Variants in KLHL14 observed in about 807,000 individuals in gnomAD.
The protein encoded by KLHL14 is kelch like family member 14, also known as kelch-like protein 14.
Under a neutral mutation model 64.3 loss-of-function variants are expected in KLHL14, and 22 were observed. The ratio of observed to expected loss-of-function variants is 0.34; its 90% CI spans 0.24 to 0.49. The LOEUF (loss-of-function observed/expected upper bound fraction) is 0.49, where lower values mean the gene tolerates loss of function less well. KLHL14 is among the 20% of genes least tolerant of loss of function. The pLI is 0.99. For synonymous variants in KLHL14, 322 were observed against 333.4 expected, an observed-to-expected ratio of 0.97 and a Z score of 0.37; for missense variants, 661 against 789.0, an observed-to-expected ratio of 0.84 and a Z score of 1.94.
intron 4 of KLHL14, among the ~76,000 whole-genome samples, chr18:32,693,419 G>C (rs1021333806): frequency 0.06 from 5,626 of 93,006 alleles, 108 homozygotes; most frequent in Non-Finnish European, 0.078. Flanking sequence ...CACACAGAGA[G>C]AGAGAGAGAG....
intron 3 of KLHL14, among the ~76,000 whole-genome samples, chr18:32,698,414 G>A (rs756433141): frequency 2.0e-5 from 3 of 152,154 alleles, no homozygotes; most frequent in Non-Finnish European, 4.4e-5. Flanking sequence ...ATTAAAGGCT[G>A]TCTAATTTTA....
chr18:32,687,245 C>T lies in KLHL14; in HGVS notation c.1160-12G>A. Reference sequence around the variant, plus strand: ...TGTACTGTGTTTTCCTGTAAAAATGCATTCGAGACATTTAAAACTTAGATT... The same window carrying T: ...TGTACTGTGTTTTCCTGTAAAAATGTATTCGAGACATTTAAAACTTAGATT... On this transcript the variant is annotated splice_polypyrimidine_tract_variant and intron_variant, in intron 4 of 8. Transcript: ENST00000359358. 6.3e-7 allele frequency: 1 copy of T among 1,595,610 alleles called. No individual in the cohort carries two copies. Among genetic ancestry groups the T allele is most frequent in the South Asian group, 1.1e-5 (1 of 90,712 alleles).
rs369189703 is a variant in KLHL14, at chr18:32,687,310, G to A, written c.1160-77C>T. 136 of 1,126,694 alleles carry A rather than the reference G, an allele frequency of 1.2e-4. No individual in the cohort carries two copies. The African/African-American group carries it at 1.5e-3, about 12-fold the overall frequency. The allele number at this position is 1,126,694 out of a possible 1,614,324, so 69.8% of individuals were successfully genotyped here. A position where few individuals can be genotyped will look rare whatever the true frequency, so the allele number is the denominator to read the frequency against. ...CACATGTAGTAGTGTTTTATCAGAC[G>A]TCTCTATTCTCAGGTTTAACAAATA... On this transcript the variant is annotated intron_variant, in intron 4 of 8. Transcript: ENST00000359358.
In KLHL14 at chr18:32,769,710, C is replaced by G; in HGVS notation, c.882G>C (p.Leu294=). 6.3e-7 allele frequency: 1 copy of G among 1,577,604 alleles called. No individual in the cohort carries two copies. Among genetic ancestry groups the G allele is most frequent in the Non-Finnish European group, 8.6e-7 (1 of 1,159,312 alleles). The stretch of plus-strand genomic sequence containing the variant: ...TCAGGTGGTAGTTCATGGCGTCCAG[C>G]AGCAGCTTCTGGCAGACCGGGTCGG... ...MRTDPVCQKL[L]LDAMNYHLMP... is the part of the protein sequence containing the mutation. The change falls in exon 2 of 9, where the codon CTG becomes CTC. Residue 294 remains leucine, a synonymous_variant. Coordinates refer to ENST00000359358, the MANE Select transcript of KLHL14 (RefSeq NM_020805.3).
At chr18:32,753,276 A>T (rs1327434507) in intron 2 of KLHL14, among the ~76,000 whole-genome samples, 1 of 152,200 alleles carries the variant, frequency 6.6e-6, no homozygotes, top group African/African-American at 2.4e-5. Flanking sequence ...TGAAGCTCTG[A>T]AAACCTGTTA....
chr18:32,691,733 C>A (rs967589901), intron 4 of KLHL14, among the ~76,000 whole-genome samples: 13 of 152,164 alleles, frequency 8.5e-5, no homozygotes, highest in Non-Finnish European at 1.5e-4. Context: ...TGAGATGCTA[C>A]CAGCAGCTTG....
Position 32,769,751 on chromosome 18 carries a change from C to T in KLHL14, c.841G>A (p.Val281Met). The T allele has an allele frequency of 3.1e-6, 5 of 1,605,136 alleles. No homozygotes were observed. Among genetic ancestry groups the T allele is most frequent in the Non-Finnish European group, 4.3e-6 (5 of 1,174,458 alleles). ...ACCGGGTCGGTTCGCATGAAATCCA[C>T]TGACTGGACCCGCTCCACCAGCTCC... Reference protein sequence around the residue: ...APELVERVQSVDFMRTDPVCQ... With the variant: ...APELVERVQSMDFMRTDPVCQ... The change falls in exon 2 of 9, where the codon GTG becomes ATG. Residue 281 changes from valine to methionine, a missense_variant. Physicochemically the swap from Val to Met is conservative, Grantham distance 21 (BLOSUM62 1). Around this residue, in one of 2 missense-constraint regions of KLHL14, gnomAD observed 330 missense variants for 450.0 expected, o/e 0.73. Transcript: ENST00000359358.
intron 3 of KLHL14, among the ~76,000 whole-genome samples, chr18:32,715,822 T>C (rs143845183): frequency 2.1e-3 from 326 of 152,274 alleles, no homozygotes; most frequent in Non-Finnish European, 3.3e-3. Context: ...TCAAAGATGA[T>C]TGTAGCAAAT....
Position 32,680,766 on chromosome 18 carries a change from C to G in KLHL14, c.1239-167G>C, listed in dbSNP as rs1290816911. On this transcript the variant is annotated intron_variant, in intron 5 of 8. Coordinates refer to ENST00000359358, the MANE Select transcript of KLHL14 (RefSeq NM_020805.3). This position sits in a 1 kb window ranked among gnomAD's most constrained non-coding sequence, Gnocchi z 4.8. ...GTATACCTTATAATTCTGAGACCTT[C>G]TACAGTAATCATATGTATTGCCCTT... 6.6e-6 allele frequency among the ~76,000 whole-genome samples: 1 copy of G among 152,140 alleles called. No individual in the cohort carries two copies. The highest frequency in any genetic ancestry group is 1.5e-5 in the Non-Finnish European group (1 of 68,026).
chr18:32,762,377 G>A (rs2050318925), intron 2 of KLHL14, among the ~76,000 whole-genome samples: 1 of 151,768 alleles, frequency 6.6e-6, no homozygotes, highest in South Asian at 2.1e-4. Flanking sequence ...GAAATTTCTT[G>A]CCCATCTTCT....
At chr18:32,727,401 G>T (rs998824059) in intron 3 of KLHL14, among the ~76,000 whole-genome samples, 3 of 152,072 alleles carry the variant, frequency 2.0e-5, no homozygotes, top group Non-Finnish European at 4.4e-5. Context: ...CAAATGAACT[G>T]GGCATTAAAG....
At chr18:32,714,201 T>C (rs969254965) in intron 3 of KLHL14, among the ~76,000 whole-genome samples, 17 of 152,148 alleles carry the variant, frequency 1.1e-4, no homozygotes, top group African/African-American at 2.9e-4. Context: ...CCAGTGTATA[T>C]AGAAGATATT....
intron 3 of KLHL14, among the ~76,000 whole-genome samples, chr18:32,727,614 G>A (rs1187034036): frequency 6.6e-6 from 1 of 152,110 alleles, no homozygotes; most frequent in Non-Finnish European, 1.5e-5. Flanking sequence ...AATGACTTGG[G>A]TTTTGACAAG....
chr18:32,686,666 G>T (rs2049880646), intron 5 of KLHL14, among the ~76,000 whole-genome samples: 1 of 151,980 alleles, frequency 6.6e-6, no homozygotes, highest in African/African-American at 2.4e-5. Context: ...TTACTATTGA[G>T]ATGTTAAAGT....
intron 3 of KLHL14, among the ~76,000 whole-genome samples, chr18:32,722,882 G>C (rs953877589): frequency 3.3e-5 from 5 of 152,132 alleles, no homozygotes; most frequent in Non-Finnish European, 5.9e-5. Context: ...TTGAGCCTAG[G>C]AGTTGGAGGC....
intron 3 of KLHL14, among the ~76,000 whole-genome samples, chr18:32,700,421 C>T (rs2049959669): frequency 6.6e-6 from 1 of 152,020 alleles, no homozygotes; most frequent in Non-Finnish European, 1.5e-5. Context: ...TTCCTCTTAC[C>T]CTCGGCCCAC....
chr18:32,765,122 T>C (rs920039318), intron 2 of KLHL14, among the ~76,000 whole-genome samples: 5 of 152,212 alleles, frequency 3.3e-5, no homozygotes, highest in African/African-American at 7.2e-5. Context: ...CAGTTTTTTA[T>C]CTATATGAGG....
chr18:32,732,055 C>T (rs1487319472), intron 3 of KLHL14, among the ~76,000 whole-genome samples: 1 of 152,014 alleles, frequency 6.6e-6, no homozygotes, highest in South Asian at 2.1e-4. Flanking sequence ...ACCCCAACAA[C>T]GCCACTAAAA....
intron 3 of KLHL14, among the ~76,000 whole-genome samples, chr18:32,729,864 T>A (rs1183994346): frequency 1.3e-5 from 2 of 152,102 alleles, no homozygotes; most frequent in Non-Finnish European, 2.9e-5. Flanking sequence ...AAAATGCCAA[T>A]AAATAGAACT....
Sources: allele counts gnomAD v4.1 joint callset (sites outside exome capture counted in the v4.1 genomes callset), GRCh38; gene constraint gnomAD v4.1.1; regional missense constraint gnomAD v4.1.1; non-coding constraint Gnocchi (gnomAD v3.1); transcripts MANE v1.5; gene names NCBI Gene and HGNC (gene_info 2026-07-23, HGNC 2026-07-21).